The following PPME1 variants were observed in gnomAD, a reference collection of about 807,000 sequenced individuals.
PPME1 encodes protein phosphatase methylesterase 1, also known as testicular secretory protein Li 39.
A neutral mutation model predicts 56.9 loss-of-function variants in PPME1; 17 were observed. The ratio of observed to expected loss-of-function variants is 0.30; its 90% CI spans 0.20 to 0.45. The LOEUF (loss-of-function observed/expected upper bound fraction) is 0.45, where lower values mean the gene tolerates loss of function less well. PPME1 is among the 20% of genes least tolerant of loss of function. PPME1 has a pLI of 1.00. For missense variants in PPME1, 357 were observed against 483.2 expected (o/e 0.74, Z 2.45); for synonymous variants, 122 against 156.2 (o/e 0.78, Z 1.63).
intron 1 of PPME1, among the ~76,000 whole-genome samples, chr11:74,177,023 T>G (rs528702763): frequency 6.6e-6 from 1 of 152,216 alleles, no homozygotes; most frequent in African/African-American, 2.4e-5. Context: ...GAGCCAATTT[T>G]TTTTTAATCC....
chr11:74,212,364 A>G (rs1858501130), intron 3 of PPME1, among the ~76,000 whole-genome samples: 1 of 152,178 alleles, frequency 6.6e-6, no homozygotes. Flanking sequence ...GAGTTCTGGA[A>G]AGCCTTGCCA....
Position 74,225,170 on chromosome 11 carries a change from G to T in PPME1, c.347-35G>T, listed in dbSNP as rs192757887. The stretch of plus-strand genomic sequence containing the variant: ...ACTTCTGCTTTTATAATTCCTGTCT[G>T]TGGGAATTTTATTTTTAAAATATTT... On this transcript the variant is annotated intron_variant, in intron 4 of 13. Transcript: ENST00000328257. The T allele has an allele frequency of 3.6e-6, 5 of 1,379,240 alleles. No individual in the cohort carries two copies. The South Asian group carries it at 3.9e-5, about 11-fold the overall frequency. The allele number at this position is 1,379,240 out of a possible 1,614,324, so 85.4% of individuals were successfully genotyped here. A position where few individuals can be genotyped will look rare whatever the true frequency, so the allele number is the denominator to read the frequency against.
intron 3 of PPME1, among the ~76,000 whole-genome samples, chr11:74,208,693 G>T (rs1354077419): frequency 6.6e-6 from 1 of 152,216 alleles, no homozygotes. Context: ...TAAGCACTCA[G>T]TTGTTAAATG....
chr11:74,196,951 T>C (rs1857998522), intron 1 of PPME1, among the ~76,000 whole-genome samples: 1 of 152,206 alleles, frequency 6.6e-6, no homozygotes, highest in Non-Finnish European at 1.5e-5. Context: ...ACCTAGAGGC[T>C]AGGAATGCCT....
intron 3 of PPME1, among the ~76,000 whole-genome samples, chr11:74,214,090 T>G (rs2135637868): frequency 6.6e-6 from 1 of 152,224 alleles, no homozygotes; most frequent in South Asian, 2.1e-4. Flanking sequence ...AAATTTGAGA[T>G]AACAGAGAAG....
chr11:74,209,299 C>T (rs1000160615), intron 3 of PPME1, among the ~76,000 whole-genome samples: 4 of 152,012 alleles, frequency 2.6e-5, no homozygotes, highest in Admixed American at 6.6e-5. Flanking sequence ...GAGGGAATCC[C>T]GCTATATTGC....
At chr11:74,213,240 G>A (rs79776348) in intron 3 of PPME1, among the ~76,000 whole-genome samples, 2 of 152,174 alleles carry the variant, frequency 1.3e-5, no homozygotes, top group African/African-American at 2.4e-5. Flanking sequence ...CATGGGGAGA[G>A]ACTATGCTTG....
At chr11:74,202,999 T>A (rs1858213065) in intron 1 of PPME1, among the ~76,000 whole-genome samples, 1 of 152,156 alleles carries the variant, frequency 6.6e-6, no homozygotes, top group Non-Finnish European at 1.5e-5. Context: ...TATATAAAGA[T>A]TTTTATTAAT....
intron 1 of PPME1, among the ~76,000 whole-genome samples, chr11:74,194,703 C>T (rs1857934948): frequency 6.6e-6 from 1 of 152,058 alleles, no homozygotes; most frequent in African/African-American, 2.4e-5. Flanking sequence ...TAGACAGAAG[C>T]AGTCCCTAAT....
At chr11:74,201,038 C>G (rs1858148732) in intron 1 of PPME1, among the ~76,000 whole-genome samples, 1 of 151,632 alleles carries the variant, frequency 6.6e-6, no homozygotes, top group Non-Finnish European at 1.5e-5. Context: ...TACAGTGGCG[C>G]TATCTCGGCT....
intron 1 of PPME1, 39 bp from the exon 2 acceptor site, chr11:74,203,689 A>G (rs936504375): frequency 6.6e-7 from 1 of 1,523,948 alleles, no homozygotes; most frequent in African/African-American, 1.4e-5. Context: ...CTCTTTATGC[A>G]TAATTTTTCT....
chr11:74,209,185 C>A (rs1239842236), intron 3 of PPME1, among the ~76,000 whole-genome samples: 2 of 152,160 alleles, frequency 1.3e-5, no homozygotes, highest in Non-Finnish European at 2.9e-5. Context: ...TGGCTCACTG[C>A]AACCTTGACC....
Position 74,230,470 on chromosome 11 carries a change from G to C in PPME1, c.553+71G>C. ...GACATCCTTGGTAGATTATTACCTTGTCTTAGTTTATTGTTGATTTCATTC... is the reference window on the plus strand; with the variant it reads ...GACATCCTTGGTAGATTATTACCTTCTCTTAGTTTATTGTTGATTTCATTC... On this transcript the variant is annotated intron_variant, in intron 6 of 13. Coordinates refer to ENST00000328257, the MANE Select transcript of PPME1 (RefSeq NM_016147.3). The surrounding 1 kb of genome is among the most constrained non-coding windows in gnomAD (Gnocchi z 4.9). 1.3e-6 allele frequency: 2 copies of C among 1,512,228 alleles called. No homozygotes were observed. The highest frequency in any genetic ancestry group is 1.8e-6 in the Non-Finnish European group (2 of 1,101,534). The allele number at this position is 1,512,228 out of a possible 1,614,324, so 93.7% of individuals were successfully genotyped here. A position where few individuals can be genotyped will look rare whatever the true frequency, so the allele number is the denominator to read the frequency against.
Position 74,230,459 on chromosome 11 carries a change from A to G in PPME1, c.553+60A>G. On this transcript the variant is annotated intron_variant, in intron 6 of 13. Coordinates refer to ENST00000328257, the MANE Select transcript of PPME1 (RefSeq NM_016147.3). This position sits in a 1 kb window ranked among gnomAD's most constrained non-coding sequence, Gnocchi z 4.9. ...CACTTATAAGAGACATCCTTGGTAGATTATTACCTTGTCTTAGTTTATTGT... is the reference window on the plus strand; with the variant it reads ...CACTTATAAGAGACATCCTTGGTAGGTTATTACCTTGTCTTAGTTTATTGT... The G allele has an allele frequency of 6.5e-7, 1 of 1,540,294 alleles. No individual in the cohort carries two copies. The highest frequency in any genetic ancestry group is 8.9e-7 in the Non-Finnish European group (1 of 1,121,412).
chr11:74,200,355 TTTTGTG>T (rs1218530630), intron 1 of PPME1, among the ~76,000 whole-genome samples: 2 of 119,966 alleles, frequency 1.7e-5, no homozygotes, highest in Admixed American at 1.0e-4. Context: ...CAGTCATGTG[TTTTGTG>T]TGTGTGTGTG....
intron 1 of PPME1, among the ~76,000 whole-genome samples, chr11:74,197,452 ATTAG>A (rs1173977081): frequency 6.6e-6 from 1 of 152,162 alleles, no homozygotes; most frequent in Non-Finnish European, 1.5e-5. Flanking sequence ...TTAGAAAATG[ATTAG>A]TTTTATGATA....
At position 74,230,931 on chromosome 11, in the gene PPME1, T is replaced by G; in HGVS notation, c.573T>G (p.Leu191=). 6.2e-7 allele frequency: 1 copy of G among 1,603,146 alleles called. No homozygotes were observed. The highest frequency in any genetic ancestry group is 8.5e-7 in the Non-Finnish European group (1 of 1,174,554). The part of the protein sequence containing the change: ...DVVEGTAMDA[L]NSMQNFLRGR... ...ATCCAGGTACAGCTATGGATGCACT[T>G]AATAGCATGCAGAATTTCTTACGGG... is the stretch of plus-strand genomic sequence containing the variant. The change falls in exon 7 of 14, where the codon CTT becomes CTG. Residue 191 remains leucine (L), a synonymous_variant. Coordinates refer to ENST00000328257, the MANE Select transcript of PPME1 (RefSeq NM_016147.3). The surrounding 1 kb of genome is among the most constrained non-coding windows in gnomAD (Gnocchi z 4.9).
intron 5 of PPME1, among the ~76,000 whole-genome samples, chr11:74,227,539 A>T (rs1858962548): frequency 6.6e-6 from 1 of 152,140 alleles, no homozygotes; most frequent in Non-Finnish European, 1.5e-5. Context: ...CTACCTAAGA[A>T]AGTATGTGAA....
intron 5 of PPME1, among the ~76,000 whole-genome samples, chr11:74,227,905 G>GT (rs1377473529): frequency 6.6e-6 from 1 of 152,106 alleles, no homozygotes; most frequent in South Asian, 2.1e-4. Context: ...ACGATGTTCA[G>GT]TTGGTGTGTT....
Sources: allele counts gnomAD v4.1 joint callset (sites outside exome capture counted in the v4.1 genomes callset), GRCh38; gene constraint gnomAD v4.1.1; non-coding constraint Gnocchi (gnomAD v3.1); transcripts MANE v1.5; gene names NCBI Gene and HGNC (gene_info 2026-07-23, HGNC 2026-07-21).